Variants in CDH10 observed in about 807,000 individuals in gnomAD.
CDH10 encodes cadherin 10.
In CDH10, 30 loss-of-function variants were observed where a neutral mutation model predicts 73.1. That is an observed-to-expected ratio of 0.41 (90% CI 0.31 to 0.56). The LOEUF (loss-of-function observed/expected upper bound fraction) is 0.56, where lower values mean the gene tolerates loss of function less well. Among genes scored for constraint, CDH10 ranks in the 20% least tolerant of loss-of-function variants. CDH10 has a pLI of 0.27. For synonymous variants in CDH10, 345 were observed against 348.2 expected, an observed-to-expected ratio of 0.99 and a Z score of 0.10; for missense variants, 815 against 973.7, an observed-to-expected ratio of 0.84 and a Z score of 2.17.
In CDH10 at chr5:24,548,480, C is replaced by CTTTTT. The variant is rs70965609; in HGVS notation, c.232-10811_232-10807dup. The stretch of plus-strand genomic sequence containing the variant: ...TTGAGATAGAATTCCCAGTCCTCCT[C>CTTTTT]TTTTTTTTTTTTTTTTTTTTGGAAA... On this transcript the variant is annotated intron_variant, in intron 2 of 11. Transcript: ENST00000264463. Among the ~76,000 whole-genome samples, 4 of 108,704 alleles carry CTTTTT rather than the reference C, an allele frequency of 3.7e-5. 1 individual carries two copies. The highest frequency in any genetic ancestry group is 3.8e-5 in the Non-Finnish European group (2 of 53,246). 71.3% of individuals were successfully genotyped at this position (108,704 alleles called of 152,430 possible). A position where few individuals can be genotyped will look rare whatever the true frequency, so the allele number is the denominator to read the frequency against.
Position 24,491,563 on chromosome 5 carries a change from T to C in CDH10, c.1876+13A>G. On this transcript the variant is annotated intron_variant, in intron 11 of 11. Transcript: ENST00000264463. ...GCCTAGAAAATGCTCCCATTGTTTT[T>C]AAGGTTTCTTACCCAGTAGAATGAT... The C allele has an allele frequency of 6.3e-7, 1 of 1,594,416 alleles. No individual in the cohort carries two copies. The highest frequency in any genetic ancestry group is 8.6e-7 in the Non-Finnish European group (1 of 1,167,274).
At chr5:24,630,967 G>A (rs1312911017) in intron 1 of CDH10, among the ~76,000 whole-genome samples, 1 of 152,124 alleles carries the variant, frequency 6.6e-6, no homozygotes, top group African/African-American at 2.4e-5. Flanking sequence ...TTCTAGACAA[G>A]GGAACTGAGG....
intron 8 of CDH10, 91 bp downstream of exon 8, chr5:24,505,021 A>G: frequency 1.1e-6 from 1 of 905,770 alleles, no homozygotes; most frequent in South Asian, 1.7e-5. Context: ...TTTTTAATGT[A>G]AAATAAAACC....
intron 5 of CDH10, among the ~76,000 whole-genome samples, chr5:24,513,138 C>T (rs900418898): frequency 6.6e-6 from 1 of 151,968 alleles, no homozygotes; most frequent in East Asian, 1.9e-4. Context: ...CGTGCCTCAG[C>T]CTCCTGAGTA....
At chr5:24,505,632 G>C (rs1742671948) in intron 7 of CDH10, among the ~76,000 whole-genome samples, 1 of 152,152 alleles carries the variant, frequency 6.6e-6, no homozygotes, top group Non-Finnish European at 1.5e-5. Context: ...TATTGCAAAA[G>C]ATTATTCCCA....
intron 7 of CDH10, among the ~76,000 whole-genome samples, chr5:24,506,189 T>C (rs1462672886): frequency 7.3e-5 from 11 of 151,676 alleles, no homozygotes. Context: ...GTTTTTAATA[T>C]ATCTGTATCA....
At chr5:24,528,186 G>A (rs561897119) in intron 5 of CDH10, among the ~76,000 whole-genome samples, 9 of 151,564 alleles carry the variant, frequency 5.9e-5, no homozygotes, top group South Asian at 2.1e-4. Flanking sequence ...AACATAAATC[G>A]TAGAACAGTG....
intron 1 of CDH10, among the ~76,000 whole-genome samples, chr5:24,595,339 A>G (rs879263854): frequency 2.6e-5 from 4 of 151,968 alleles, no homozygotes; most frequent in Non-Finnish European, 4.4e-5. Context: ...AAGAAGATTT[A>G]AAAGTTAATA....
At chr5:24,588,757 G>A (rs1403179470) in intron 2 of CDH10, among the ~76,000 whole-genome samples, 1 of 152,106 alleles carries the variant, frequency 6.6e-6, no homozygotes, top group Non-Finnish European at 1.5e-5. Context: ...AGTTTCTACA[G>A]TTTCAGAGAG....
intron 1 of CDH10, among the ~76,000 whole-genome samples, chr5:24,619,967 T>C (rs1265296071): frequency 1.3e-5 from 2 of 152,158 alleles, no homozygotes; most frequent in Non-Finnish European, 2.9e-5. Context: ...TTATGGTAGG[T>C]TGTCACTGTA....
chr5:24,641,231 C>T (rs373111001), intron 1 of CDH10, among the ~76,000 whole-genome samples: 1 of 151,882 alleles, frequency 6.6e-6, no homozygotes, highest in Non-Finnish European at 1.5e-5. Context: ...TGAGGTGAGA[C>T]TGCTCTACAG....
intron 2 of CDH10, among the ~76,000 whole-genome samples, chr5:24,552,623 G>T (rs778872562): frequency 2.6e-4 from 39 of 151,852 alleles, no homozygotes; most frequent in Non-Finnish European, 3.7e-4. Flanking sequence ...GCAATAATAG[G>T]TTGACTCTAT....
chr5:24,526,375 G>T (rs866452589), intron 5 of CDH10, among the ~76,000 whole-genome samples: 6 of 151,800 alleles, frequency 4.0e-5, no homozygotes, highest in African/African-American at 1.5e-4. Context: ...TATTTCCCCT[G>T]GTTCTGTCAT....
chr5:24,628,698 C>G (rs542099591), intron 1 of CDH10, among the ~76,000 whole-genome samples: 1 of 151,984 alleles, frequency 6.6e-6, no homozygotes, highest in Non-Finnish European at 1.5e-5. Context: ...AGCTTGTATT[C>G]AAGTTTCTTC....
intron 4 of CDH10, 24 bp from the exon 5 acceptor site, chr5:24,535,303 C>T: frequency 6.3e-7 from 1 of 1,581,332 alleles, no homozygotes; most frequent in Non-Finnish European, 8.6e-7. Flanking sequence ...AAAAAAACTT[C>T]CATTATCTTC....
chr5:24,569,829 C>A (rs1439844619), intron 2 of CDH10, among the ~76,000 whole-genome samples: 5 of 151,342 alleles, frequency 3.3e-5, no homozygotes, highest in Admixed American at 2.0e-4. Flanking sequence ...GTGGCGTGAT[C>A]TTTGCTCACT....
chr5:24,578,582 T>C (rs760779788), intron 2 of CDH10: 22 of 202,716 alleles, frequency 1.1e-4, no homozygotes, highest in Non-Finnish European at 1.8e-4. Flanking sequence ...GTTTTGTTTG[T>C]CAAAATCAGT....
intron 8 of CDH10, among the ~76,000 whole-genome samples, chr5:24,500,388 T>C (rs531273406): frequency 6.6e-6 from 1 of 152,356 alleles, no homozygotes; most frequent in Non-Finnish European, 1.5e-5. Context: ...CATCCTTTCT[T>C]CACCAATCCT....
chr5:24,609,202 C>T (rs1207083211), intron 1 of CDH10, among the ~76,000 whole-genome samples: 2 of 152,138 alleles, frequency 1.3e-5, no homozygotes, highest in Non-Finnish European at 2.9e-5. Flanking sequence ...TGAAGAATGG[C>T]TCTCAGGGAA....
Sources: gnomAD v4.1 joint callset for allele counts (sites outside exome capture counted in the v4.1 genomes callset) on GRCh38, gnomAD v4.1.1 for gene constraint, MANE v1.5 for transcripts, NCBI Gene and HGNC (gene_info 2026-07-23, HGNC 2026-07-21) for gene names.